Variants in RPS6KC1 observed in about 807,000 individuals in gnomAD.
The protein encoded by RPS6KC1 is ribosomal protein S6 kinase C1.
Under a neutral mutation model 103.8 loss-of-function variants are expected in RPS6KC1, and 54 were observed. The observed-to-expected ratio is 0.52, with a 90% CI of 0.42 to 0.65. The LOEUF (loss-of-function observed/expected upper bound fraction) is 0.65, where lower values mean the gene tolerates loss of function less well. RPS6KC1 is among the 30% of genes least tolerant of loss of function. The probability of loss-of-function intolerance (pLI) is 0.00; values close to 1 mark genes in which losing one functional copy is unlikely to be tolerated. For missense variants in RPS6KC1, 1,151 were observed against 1,253.8 expected (o/e 0.92, Z 1.24); for synonymous variants, 439 against 438.7 (o/e 1.00, Z -0.01).
the RPS6KC1 span, among the ~76,000 whole-genome samples, chr1:213,389,756 C>T: frequency 2.2e-4 from 33 of 152,314 alleles, no homozygotes; most frequent in Middle Eastern, 0.024. Flanking sequence ...TTTCCCGGTC[C>T]TCTGCCCCTC....
At chr1:213,616,544 G>A in the RPS6KC1 span, among the ~76,000 whole-genome samples, 6 of 152,186 alleles carry the variant, frequency 3.9e-5, no homozygotes, top group Admixed American at 2.0e-4. Flanking sequence ...GAGCATGGTG[G>A]TACATTCCTG....
At chr1:213,712,222 G>A in the RPS6KC1 span, among the ~76,000 whole-genome samples, 5 of 152,234 alleles carry the variant, frequency 3.3e-5, no homozygotes, top group East Asian at 7.7e-4. Flanking sequence ...CCAGAGAGGA[G>A]GAGTTTATAG....
intron 7 of RPS6KC1, among the ~76,000 whole-genome samples, chr1:213,170,631 C>T (rs551830717): frequency 2.6e-5 from 4 of 152,224 alleles, no homozygotes; most frequent in East Asian, 1.9e-4. Flanking sequence ...AGGATTTTTT[C>T]GGTTCTTAGG....
chr1:213,543,617 C>G, the RPS6KC1 span, among the ~76,000 whole-genome samples: 7 of 152,298 alleles, frequency 4.6e-5, no homozygotes, highest in South Asian at 1.5e-3. Flanking sequence ...AGGATAAACG[C>G]GGATTTATTC....
the RPS6KC1 span, among the ~76,000 whole-genome samples, chr1:213,538,576 A>C: frequency 6.6e-6 from 1 of 152,160 alleles, no homozygotes; most frequent in African/African-American, 2.4e-5. Context: ...CCTTCTAGGA[A>C]GAATAGTGTT....
chr1:213,100,159 G>A (rs913430618), intron 3 of RPS6KC1, among the ~76,000 whole-genome samples: 1 of 152,064 alleles, frequency 6.6e-6, no homozygotes, highest in African/African-American at 2.4e-5. Context: ...AGCCATTCTG[G>A]GGCATGTGTA....
the RPS6KC1 span, among the ~76,000 whole-genome samples, chr1:213,776,408 C>T: frequency 4.1e-4 from 62 of 151,996 alleles, no homozygotes; most frequent in African/African-American, 1.5e-3. Context: ...CAACAATCAT[C>T]TCCTTGTATG....
chr1:213,214,081 C>T (rs377216180), intron 8 of RPS6KC1, among the ~76,000 whole-genome samples: 1 of 150,436 alleles, frequency 6.6e-6, no homozygotes, highest in Non-Finnish European at 1.5e-5. Flanking sequence ...GGCGAGGCAT[C>T]GCCTCACCTG....
chr1:213,626,773 T>C, the RPS6KC1 span, among the ~76,000 whole-genome samples: 2 of 152,334 alleles, frequency 1.3e-5, no homozygotes, highest in Non-Finnish European at 2.9e-5. Flanking sequence ...TCTGTTCTGT[T>C]CCATTGGCCT....
At chr1:213,417,509 G>T in the RPS6KC1 span, among the ~76,000 whole-genome samples, 1 of 152,152 alleles carries the variant, frequency 6.6e-6, no homozygotes, top group Admixed American at 6.5e-5. Context: ...GGAAAGAGAT[G>T]GGGAAGGTGC....
chr1:213,270,630 A>G (rs2095026551), intron 14 of RPS6KC1, among the ~76,000 whole-genome samples: 1 of 152,286 alleles, frequency 6.6e-6, no homozygotes, highest in Non-Finnish European at 1.5e-5. Flanking sequence ...TAATAAAAAT[A>G]TAAAAATTTT....
the RPS6KC1 span, among the ~76,000 whole-genome samples, chr1:213,533,313 T>C: frequency 3.9e-5 from 6 of 152,222 alleles, no homozygotes; most frequent in South Asian, 1.2e-3. Context: ...AAGAAGACTT[T>C]TGAGGAACTG....
At chr1:213,805,522 TTG>T in the RPS6KC1 span, among the ~76,000 whole-genome samples, 1 of 152,232 alleles carries the variant, frequency 6.6e-6, no homozygotes, top group Admixed American at 6.5e-5. Context: ...TCAAATTTTA[TTG>T]TGAGATTGCA....
chr1:213,851,351 C>T, the RPS6KC1 span, among the ~76,000 whole-genome samples: 1 of 152,136 alleles, frequency 6.6e-6, no homozygotes, highest in Non-Finnish European at 1.5e-5. Flanking sequence ...CTTCACCTTC[C>T]TTTAAGTCTT....
At chr1:213,067,678 C>A (rs558513351) in intron 1 of RPS6KC1, among the ~76,000 whole-genome samples, 93 of 152,292 alleles carry the variant, frequency 6.1e-4, no homozygotes, top group Middle Eastern at 3.4e-3. Flanking sequence ...TCCCACCCCA[C>A]CACTGTGTAC....
At chr1:213,555,213 A>G in the RPS6KC1 span, among the ~76,000 whole-genome samples, 1 of 152,234 alleles carries the variant, frequency 6.6e-6, no homozygotes, top group Non-Finnish European at 1.5e-5. Context: ...ATGTTTGAAA[A>G]TGTTGCAACT....
the RPS6KC1 span, among the ~76,000 whole-genome samples, chr1:213,655,522 C>A: frequency 6.6e-6 from 1 of 152,210 alleles, no homozygotes; most frequent in South Asian, 2.1e-4. Flanking sequence ...AAAGGATATT[C>A]TAAAACACGC....
chr1:213,085,462 C>T (rs929841432), intron 3 of RPS6KC1, among the ~76,000 whole-genome samples: 1 of 152,066 alleles, frequency 6.6e-6, no homozygotes, highest in African/African-American at 2.4e-5. Flanking sequence ...AATGTATATT[C>T]ATTTTTTTTT....
chr1:213,318,723 A>C, the RPS6KC1 span, among the ~76,000 whole-genome samples: 10 of 152,282 alleles, frequency 6.6e-5, no homozygotes, highest in South Asian at 1.5e-3. Context: ...TCCCCCTTCT[A>C]GAACCATCAG....
Sources: allele counts gnomAD v4.1 joint callset (sites outside exome capture counted in the v4.1 genomes callset), GRCh38; gene constraint gnomAD v4.1.1; transcripts MANE v1.5; gene names NCBI Gene and HGNC (gene_info 2026-07-23, HGNC 2026-07-21).